The following IMPG1 variants were observed in gnomAD, a reference collection of about 807,000 sequenced individuals.
IMPG1 encodes interphotoreceptor matrix proteoglycan of 150 kDa.
Under a neutral mutation model 92.0 loss-of-function variants are expected in IMPG1, and 85 were observed. That is an observed-to-expected ratio of 0.92 (90% CI 0.78 to 1.11). The LOEUF is 1.11. IMPG1 is among the 50% of genes least tolerant of loss of function. The probability of loss-of-function intolerance (pLI) is 0.00; values close to 1 mark genes in which losing one functional copy is unlikely to be tolerated. For synonymous variants in IMPG1, 367 were observed against 334.1 expected, an observed-to-expected ratio of 1.10 and a Z score of -1.08; for missense variants, 1,022 against 956.0, an observed-to-expected ratio of 1.07 and a Z score of -0.91.
chr6:76,028,570 C>T (rs143099365), intron 4 of IMPG1, among the ~76,000 whole-genome samples: 1,676 of 152,348 alleles, frequency 0.011, 37 homozygotes, highest in African/African-American at 0.038. Flanking sequence ...TGGCTCACGC[C>T]TGTAATCCCA....
chr6:76,042,024 A>G lies in IMPG1; in HGVS notation c.170T>C (p.Met57Thr). Residue 57 changes from methionine to threonine, a missense_variant, in exon 2 of 17, where the codon ATG becomes ACG. Coordinates refer to ENST00000369950, the MANE Select transcript of IMPG1 (RefSeq NM_001563.4). Reference protein sequence around the residue: ...STEKMYKMSTMRRIFDLAKHR... With the variant: ...STEKMYKMSTTRRIFDLAKHR... ...CTTTGCCAAATCGAATATTCGTCTCATAGTTGACATTTTGTACATTTTTTC... is the reference window on the plus strand; with the variant it reads ...CTTTGCCAAATCGAATATTCGTCTCGTAGTTGACATTTTGTACATTTTTTC... 6.2e-7 allele frequency: 1 copy of G among 1,612,844 alleles called. No individual in the cohort carries two copies. The highest frequency in any genetic ancestry group is 1.1e-5 in the South Asian group (1 of 91,050).
intron 4 of IMPG1, among the ~76,000 whole-genome samples, chr6:76,028,587 T>C (rs1224550490): frequency 6.6e-6 from 1 of 152,210 alleles, no homozygotes; most frequent in Non-Finnish European, 1.5e-5. Flanking sequence ...CCCAGCACTT[T>C]GGGAGGCCGA....
At chr6:76,045,357 A>G (rs1434404909) in intron 1 of IMPG1, among the ~76,000 whole-genome samples, 1 of 152,004 alleles carries the variant, frequency 6.6e-6, no homozygotes, top group Non-Finnish European at 1.5e-5. Flanking sequence ...TGGTGCAGCG[A>G]ACACCAAGCT....
intron 8 of IMPG1, among the ~76,000 whole-genome samples, chr6:76,010,854 A>G (rs1352208040): frequency 2.6e-5 from 4 of 152,212 alleles, no homozygotes; most frequent in Admixed American, 6.5e-5. Flanking sequence ...ATCTGTCTCT[A>G]CTGAGGTATT....
intron 12 of IMPG1, among the ~76,000 whole-genome samples, chr6:75,992,149 T>C (rs1214166416): frequency 3.9e-5 from 6 of 152,250 alleles, no homozygotes; most frequent in Non-Finnish European, 8.8e-5. Context: ...TGCCAGCAGA[T>C]GGCCTTCGGA....
Position 76,021,869 on chromosome 6 carries a change from G to A in IMPG1, c.666+247C>T, listed in dbSNP as rs553716751. On this transcript the variant is annotated intron_variant, in intron 6 of 16. Coordinates refer to ENST00000369950, the MANE Select transcript of IMPG1 (RefSeq NM_001563.4). ...GGAAAAAGAGCCCCAGCACTCCACAGCTTATAATTAAATTGTTTCTTGTAA... is the reference window on the plus strand; with the variant it reads ...GGAAAAAGAGCCCCAGCACTCCACAACTTATAATTAAATTGTTTCTTGTAA... 7.5e-5 allele frequency among the ~76,000 whole-genome samples: 11 copies of A among 146,132 alleles called. No individual in the cohort carries two copies. The East Asian group carries it at 2.2e-3, about 30-fold the overall frequency.
intron 12 of IMPG1, among the ~76,000 whole-genome samples, chr6:75,985,740 G>A (rs1782705353): frequency 6.6e-6 from 1 of 152,146 alleles, no homozygotes; most frequent in Admixed American, 6.6e-5. Context: ...CCTGGTTTTA[G>A]TGAGACTTCC....
chr6:76,024,463 A>C (rs983290022), intron 5 of IMPG1, among the ~76,000 whole-genome samples: 9 of 152,186 alleles, frequency 5.9e-5, no homozygotes, highest in Non-Finnish European at 1.2e-4. Context: ...CATCTAATAA[A>C]CACAGGAGAA....
intron 12 of IMPG1, among the ~76,000 whole-genome samples, chr6:75,986,361 G>C (rs1377375238): frequency 6.6e-6 from 1 of 150,612 alleles, no homozygotes; most frequent in African/African-American, 2.4e-5. Flanking sequence ...AGTATTCTAA[G>C]AATTGAAAAA....
intron 9 of IMPG1, among the ~76,000 whole-genome samples, chr6:76,006,402 AT>A (rs1374351149): frequency 1.3e-5 from 2 of 148,322 alleles, no homozygotes; most frequent in Non-Finnish European, 3.0e-5. Context: ...TATATAGTAT[AT>A]ATATGTAAAA....
chr6:75,965,831 T>G (rs980097631), intron 12 of IMPG1, among the ~76,000 whole-genome samples: 14 of 152,170 alleles, frequency 9.2e-5, no homozygotes, highest in Non-Finnish European at 1.5e-4. Flanking sequence ...ATGGTCTCGA[T>G]CTCCTGACCT....
intron 12 of IMPG1, among the ~76,000 whole-genome samples, chr6:75,969,731 A>AAAAC (rs56113426): frequency 0.044 from 6,701 of 151,756 alleles, 172 homozygotes; most frequent in East Asian, 0.11. Context: ...TCCATCTCAA[A>AAAAC]AAACAAACAA....
At chr6:75,950,410 C>G in intron 13 of IMPG1, 152 bp downstream of exon 13, 1 of 664,318 alleles carries the variant, frequency 1.5e-6, no homozygotes, top group Non-Finnish European at 2.4e-6. Context: ...GAATTCATCT[C>G]AAAATTCTAG....
chr6:75,950,806 G>C lies in IMPG1; in HGVS notation c.1580C>G (p.Thr527Ser), dbSNP rs750161331. The C allele has an allele frequency of 5.0e-6, 8 of 1,613,962 alleles. No homozygotes were observed. The South Asian group carries it at 8.8e-5, about 18-fold the overall frequency. ...RHLDEMDLSD[T>S]PAPSEVPELS... ...CTCTGGTACCTCAGATGGGGCAGGA[G>C]TGTCAGACAGATCCATTTCATCTAG... The change falls in exon 13 of 17, where the codon ACT becomes AGT. Residue 527 changes from threonine to serine, a missense_variant. Transcript: ENST00000369950.
chr6:76,063,756 T>C (rs1784250222), intron 1 of IMPG1, among the ~76,000 whole-genome samples: 1 of 152,226 alleles, frequency 6.6e-6, no homozygotes, highest in Admixed American at 6.5e-5. Flanking sequence ...AGCAGCCACA[T>C]AGGGCTGGGT....
chr6:75,996,989 G>T (rs1361274585), intron 12 of IMPG1, among the ~76,000 whole-genome samples: 1 of 152,202 alleles, frequency 6.6e-6, no homozygotes, highest in Non-Finnish European at 1.5e-5. Flanking sequence ...GCCAAAATTT[G>T]AGGGAGGGTA....
At chr6:76,062,072 G>A (rs1039369881) in intron 1 of IMPG1, among the ~76,000 whole-genome samples, 69 of 152,204 alleles carry the variant, frequency 4.5e-4, no homozygotes, top group African/African-American at 1.6e-3. Context: ...TTGGGTATAT[G>A]GTAAGCATTC....
intron 12 of IMPG1, among the ~76,000 whole-genome samples, chr6:76,000,114 C>A (rs1782963709): frequency 6.6e-6 from 1 of 152,206 alleles, no homozygotes; most frequent in Non-Finnish European, 1.5e-5. Context: ...GCATGCAGAT[C>A]TATATTAGGT....
intron 12 of IMPG1, among the ~76,000 whole-genome samples, chr6:75,995,402 C>T (rs1458408471): frequency 6.6e-6 from 1 of 152,278 alleles, no homozygotes; most frequent in Admixed American, 6.5e-5. Context: ...TCACCATTTT[C>T]TCTCCAAATT....
Sources: allele counts gnomAD v4.1 joint callset (sites outside exome capture counted in the v4.1 genomes callset), GRCh38; gene constraint gnomAD v4.1.1; transcripts MANE v1.5; gene names NCBI Gene and HGNC (gene_info 2026-07-23, HGNC 2026-07-21).